DOCK8: variants seen among roughly 807,000 people sequenced by gnomAD.
The protein encoded by DOCK8 is dedicator of cytokinesis 8.
Under a neutral mutation model 245.6 loss-of-function variants are expected in DOCK8, and 141 were observed. The ratio of observed to expected loss-of-function variants is 0.57; its 90% confidence interval spans 0.50 to 0.66. The LOEUF (loss-of-function observed/expected upper bound fraction) is 0.66, where lower values mean the gene tolerates loss of function less well. Ranked by LOEUF, DOCK8 falls within the 30% of genes least tolerant of loss-of-function variation. The pLI is 0.00. For synonymous variants in DOCK8, 1,168 were observed against 970.2 expected, an observed-to-expected ratio of 1.20 and a Z score of -3.79; for missense variants, 2,965 against 2,603.4, an observed-to-expected ratio of 1.14 and a Z score of -3.02.
rs141127673 is a variant in DOCK8, at chr9:396,332, C to G, written c.2971-453C>G. Among the ~76,000 whole-genome samples the G allele has an allele frequency of 2.3e-3, 350 of 152,292 alleles. 4 individuals carry two copies. Among genetic ancestry groups the G allele is most frequent in the African/African-American group, 8.0e-3 (334 of 41,564 alleles). ...CTCAAGATAGGAGGAACATTTCTCCCACGTTCTCCTTACTGTAGTTTCAGG... is the reference window on the plus strand; with the variant it reads ...CTCAAGATAGGAGGAACATTTCTCCGACGTTCTCCTTACTGTAGTTTCAGG... On this transcript the variant is annotated intron_variant, in intron 24 of 47. Transcript: ENST00000432829.
At chr9:211,857 A>C (rs1350253090), upstream of DOCK8, among the ~76,000 whole-genome samples, 1 of 152,202 alleles carries the variant, frequency 6.6e-6, no homozygotes, top group Non-Finnish European at 1.5e-5. Context: ...CAAAGTTTTA[A>C]ACCTGGAAAA....
At chr9:395,652 C>A (rs891120692) in intron 24 of DOCK8, among the ~76,000 whole-genome samples, 7 of 151,536 alleles carry the variant, frequency 4.6e-5, no homozygotes, top group African/African-American at 1.7e-4. Flanking sequence ...TTCTAGTCTT[C>A]CCCATGTTCC....
chr9:339,539 G>C (rs1291055068), intron 13 of DOCK8, among the ~76,000 whole-genome samples: 7 of 152,084 alleles, frequency 4.6e-5, no homozygotes, highest in Non-Finnish European at 1.0e-4. Context: ...TTTTTGAGAT[G>C]GAGTCTTGCT....
intron 32 of DOCK8, among the ~76,000 whole-genome samples, 190 bp from the exon 33 acceptor site, chr9:421,858 C>T (rs1034059956): frequency 6.6e-6 from 1 of 152,112 alleles, no homozygotes; most frequent in Non-Finnish European, 1.5e-5. Context: ...ATATTCTAGT[C>T]TATCAATCAA....
At chr9:270,122 C>T (rs1302120989) in intron 1 of DOCK8, among the ~76,000 whole-genome samples, 4 of 152,192 alleles carry the variant, frequency 2.6e-5, no homozygotes, top group Non-Finnish European at 5.9e-5. Context: ...TCCCATTTCC[C>T]TCACGGCTAG....
intron 7 of DOCK8, among the ~76,000 whole-genome samples, chr9:322,525 C>A: frequency 6.6e-6 from 1 of 152,228 alleles, no homozygotes. Context: ...TCCCTGGGAA[C>A]CTTGCTTTCC....
intron 1 of DOCK8, among the ~76,000 whole-genome samples, chr9:255,289 A>G (rs181826039): frequency 6.6e-5 from 10 of 152,328 alleles, no homozygotes; most frequent in Admixed American, 6.5e-4. Flanking sequence ...AAGACAGGTA[A>G]TAAGAAAGAA....
chr9:218,561 A>T (rs995043843), intron 1 of DOCK8, among the ~76,000 whole-genome samples: 2 of 152,156 alleles, frequency 1.3e-5, no homozygotes, highest in East Asian at 3.8e-4. Flanking sequence ...ATAACATGGT[A>T]CTTGTGGGAA....
rs62531902 is a variant in DOCK8, at chr9:418,317, G to C, written c.3840+110G>C. ...GACAGAGTCTCACTCTGTTGCACAG[G>C]CTGGAGTGCAGTGGCGCAATCTCAG... On this transcript the variant is annotated intron_variant, in intron 30 of 47. Coordinates refer to ENST00000432829, the MANE Select transcript of DOCK8 (RefSeq NM_203447.4). 0.065 allele frequency: 94,892 copies of C among 1,453,068 alleles called. 3,534 individuals carry two copies. The highest frequency in any genetic ancestry group is 0.091 in the Middle Eastern group (380 of 4,162). The allele number at this position is 1,453,068 out of a possible 1,614,324, so 90.0% of individuals were successfully genotyped here.
In DOCK8 at chr9:340,287, A is replaced by G. The variant is rs1335474285; in HGVS notation, c.1645A>G (p.Thr549Ala). The G allele has an allele frequency of 1.2e-6, 2 of 1,614,180 alleles. No homozygotes were observed. The highest frequency in any genetic ancestry group is 1.7e-6 in the Non-Finnish European group (2 of 1,180,028). The change falls in exon 14 of 48, where the codon ACA becomes GCA. Residue 549 changes from threonine to alanine, a missense_variant. Thr to Ala is a moderately conservative substitution (Grantham distance 58, BLOSUM62 0). This residue lies in a region of DOCK8 where 2,825 missense variants were observed against 2,453.5 expected (regional missense o/e 1.15). Transcript: ENST00000432829. The stretch of plus-strand genomic sequence containing the variant: ...GCACAAAGAGATTTTGGAATTTCCA[A>G]CACGAGAAGTATATGTCCCTCACAC... ...RPHKEILEFP[T>A]REVYVPHTVY...
chr9:383,877 T>A, intron 22 of DOCK8, among the ~76,000 whole-genome samples: 1 of 152,206 alleles, frequency 6.6e-6, no homozygotes, highest in East Asian at 1.9e-4. Context: ...GTTACGGAAT[T>A]ATATACTCTA....
chr9:325,667 G>C lies in DOCK8; in HGVS notation c.828-4G>C. ...ACATAGATTTTCCTCTCTTTCTATG[G>C]TAGGTTCGAGATTGAAATTGAGCCC... On this transcript the variant is annotated splice_polypyrimidine_tract_variant and splice_region_variant and intron_variant, in intron 7 of 47. Transcript: ENST00000432829. 6.2e-7 allele frequency: 1 copy of C among 1,613,442 alleles called. No individual in the cohort carries two copies. Among genetic ancestry groups the C allele is most frequent in the Non-Finnish European group, 8.5e-7 (1 of 1,179,476 alleles).
At chr9:334,522 C>G (rs144894373) in intron 11 of DOCK8, 138 bp downstream of exon 11, 39 of 876,298 alleles carry the variant, frequency 4.5e-5, no homozygotes, top group Non-Finnish European at 6.7e-5. Flanking sequence ...GAATGAAACA[C>G]TGTTATGACT....
intron 16 of DOCK8, among the ~76,000 whole-genome samples, chr9:371,191 T>C (rs1436541531): frequency 6.6e-6 from 1 of 152,170 alleles, no homozygotes; most frequent in Non-Finnish European, 1.5e-5. Flanking sequence ...TTTTTTGTTT[T>C]TTGTTTTTTG....
chr9:438,392 C>G (rs985797144), intron 39 of DOCK8, among the ~76,000 whole-genome samples: 26 of 152,294 alleles, frequency 1.7e-4, no homozygotes, highest in African/African-American at 6.0e-4. Flanking sequence ...TGTTTGTAAT[C>G]CCTAAACTGG....
At chr9:245,942 G>C (rs1197054194) in intron 1 of DOCK8, among the ~76,000 whole-genome samples, 1 of 152,008 alleles carries the variant, frequency 6.6e-6, no homozygotes, top group African/African-American at 2.4e-5. Flanking sequence ...GCATCTGGCT[G>C]GGCATGGTGG....
At chr9:420,331 G>C in intron 30 of DOCK8, 70 bp from the exon 31 acceptor site, 1 of 1,558,132 alleles carries the variant, frequency 6.4e-7, no homozygotes, top group Non-Finnish European at 8.8e-7. Context: ...TTGCTTGACT[G>C]TTAAGCCTCA....
chr9:444,959 TG>T (rs2057206135), intron 43 of DOCK8, among the ~76,000 whole-genome samples: 1 of 152,130 alleles, frequency 6.6e-6, no homozygotes, highest in Non-Finnish European at 1.5e-5. Flanking sequence ...ACCTATAAAA[TG>T]AAAGGTCCAA....
chr9:239,782 T>C (rs1294437264), intron 1 of DOCK8, among the ~76,000 whole-genome samples: 1 of 152,222 alleles, frequency 6.6e-6, no homozygotes, highest in Non-Finnish European at 1.5e-5. Context: ...TCTACAAAAC[T>C]GGAAGTATGC....
Sources: allele counts gnomAD v4.1 joint callset (sites outside exome capture counted in the v4.1 genomes callset), GRCh38; gene constraint gnomAD v4.1.1; regional missense constraint gnomAD v4.1.1; transcripts MANE v1.5; gene names NCBI Gene and HGNC (gene_info 2026-07-23, HGNC 2026-07-21).